The following MOB1B variants were observed in gnomAD, a reference collection of about 807,000 sequenced individuals.
The protein encoded by MOB1B is MOB1 Mps One Binder homolog B.
MOB1B carries 19 observed loss-of-function variants against 24.4 expected under a neutral mutation model. That is an observed-to-expected ratio of 0.78 (90% confidence interval 0.54 to 1.14). MOB1B has a LOEUF of 1.14. Ranked by LOEUF, MOB1B falls within the 50% of genes most tolerant of loss-of-function variation. The probability of loss-of-function intolerance (pLI) is 0.00; values close to 1 mark genes in which losing one functional copy is unlikely to be tolerated. For synonymous variants in MOB1B, 76 were observed against 82.1 expected (o/e 0.93, Z 0.40); for missense variants, 243 against 259.6 (o/e 0.94, Z 0.44).
intron 1 of MOB1B, among the ~76,000 whole-genome samples, chr4:70,930,140 CATATAGT>C (rs1483434727): frequency 6.6e-6 from 1 of 152,014 alleles, no homozygotes; most frequent in East Asian, 1.9e-4. Context: ...TCGAAATTAG[CATATAGT>C]ATAGTCTATA....
At chr4:70,906,487 C>T (rs757268539) in intron 1 of MOB1B, among the ~76,000 whole-genome samples, 2 of 152,078 alleles carry the variant, frequency 1.3e-5, no homozygotes, top group African/African-American at 2.4e-5. Context: ...GGTAAGTGTC[C>T]GTAAATACTG....
rs575704341 is a variant in MOB1B, at chr4:70,982,912, A to G, written c.*855A>G. The G allele has an allele frequency of 3.3e-5, 5 of 152,710 alleles. No homozygotes were observed. In the East Asian group the frequency reaches 9.6e-4, roughly 29 times the overall value. 9.5% of individuals were successfully genotyped at this position (152,710 alleles called of 1,614,324 possible). ...ATTGCCAAATGAGCCGTAAGTCTGC[A>G]GAATTCCCTTCTACTTTGAAGAGAA... On this transcript the variant is annotated 3_prime_UTR_variant, in exon 6 of 6. Transcript: ENST00000309395.
intron 2 of MOB1B, among the ~76,000 whole-genome samples, chr4:70,967,847 G>A (rs1185362679): frequency 1.3e-5 from 2 of 151,384 alleles, no homozygotes; most frequent in African/African-American, 2.4e-5. Flanking sequence ...TTATTTTTTT[G>A]AGGAGGTTTT....
Position 70,902,373 on chromosome 4 carries a change from G to A in MOB1B, c.-164G>A. 1.4e-6 allele frequency: 1 copy of A among 720,212 alleles called. No individual in the cohort carries two copies. Among genetic ancestry groups the A allele is most frequent in the South Asian group, 1.5e-5 (1 of 66,850 alleles). 44.6% of individuals were successfully genotyped at this position (720,212 alleles called of 1,614,324 possible). ...CTTCCGCCCCCTCCCCCTGCCATTG[G>A]AACTAGCTGAGCCGAACTAGTTGCG... On this transcript the variant is annotated 5_prime_UTR_variant, in exon 1 of 6. Transcript: ENST00000309395.
At chr4:70,914,270 T>C (rs745708621) in intron 1 of MOB1B, among the ~76,000 whole-genome samples, 4 of 152,244 alleles carry the variant, frequency 2.6e-5, no homozygotes, top group African/African-American at 4.8e-5. Context: ...TGAGGTACTT[T>C]GTTGTAACAG....
chr4:70,984,463 G>A lies in MOB1B; in HGVS notation c.*2406G>A, dbSNP rs937209541. The A allele has an allele frequency of 6.6e-6, 1 of 152,130 alleles. No homozygotes were observed. Among genetic ancestry groups the A allele is most frequent in the African/African-American group, 2.4e-5 (1 of 41,442 alleles). 9.4% of individuals were successfully genotyped at this position (152,130 alleles called of 1,614,324 possible). On this transcript the variant is annotated 3_prime_UTR_variant, in exon 6 of 6. Coordinates refer to ENST00000309395, the MANE Select transcript of MOB1B (RefSeq NM_173468.4). The stretch of plus-strand genomic sequence containing the variant: ...GATCAGTGCTTTGTTCTGCAGCAGA[G>A]TTTGCTGATAAATGTCTGTTGGATT...
At chr4:70,902,674 G>A (rs1173037226) in intron 1 of MOB1B, 124 bp downstream of exon 1, 7 of 934,920 alleles carry the variant, frequency 7.5e-6, no homozygotes, top group Non-Finnish European at 1.0e-5. Flanking sequence ...GGGGCCCGGC[G>A]TCACCACCAA....
At chr4:70,963,276 C>G (rs1338018084) in intron 2 of MOB1B, among the ~76,000 whole-genome samples, 2 of 152,042 alleles carry the variant, frequency 1.3e-5, no homozygotes, top group East Asian at 1.9e-4. Flanking sequence ...GGGAGGAATA[C>G]TTGAGCCCAG....
rs181327070 is a variant in MOB1B at position 70,929,983 on chromosome 4, G to C, written c.14+27433G>C. ...TTGCCCAGGGTGGTCTTGAAGTCCT[G>C]GGCTTGAGCAATTCACCCGTCTCAG... On this transcript the variant is annotated intron_variant, in intron 1 of 5. Coordinates refer to ENST00000309395, the MANE Select transcript of MOB1B (RefSeq NM_173468.4). 2.5e-3 allele frequency among the ~76,000 whole-genome samples: 373 copies of C among 152,118 alleles called. 2 individuals are homozygous for C. The highest frequency in any genetic ancestry group is 8.5e-3 in the African/African-American group (352 of 41,510).
Position 70,986,859 on chromosome 4 carries a change from A to C in MOB1B, c.*4802A>C. 6.6e-6 allele frequency: 1 copy of C among 152,204 alleles called. No individual in the cohort carries two copies. The highest frequency in any genetic ancestry group is 1.9e-4 in the East Asian group (1 of 5,204). The allele number at this position is 152,204 out of a possible 1,614,324, so 9.4% of individuals were successfully genotyped here. On this transcript the variant is annotated 3_prime_UTR_variant, in exon 6 of 6. Coordinates refer to ENST00000309395, the MANE Select transcript of MOB1B (RefSeq NM_173468.4). ...TTAAGGCTTTCCTAATAGGCTGATC[A>C]CAGAGAATAATCCATTTTGAAGGTA...
intron 1 of MOB1B, among the ~76,000 whole-genome samples, chr4:70,941,461 C>G (rs112295228): frequency 1.9e-4 from 29 of 152,280 alleles, no homozygotes; most frequent in African/African-American, 6.7e-4. Flanking sequence ...CCTGCCTCAG[C>G]CTCCCAAGTA....
At chr4:70,910,862 C>T (rs1735954183) in intron 1 of MOB1B, among the ~76,000 whole-genome samples, 1 of 151,816 alleles carries the variant, frequency 6.6e-6, no homozygotes, top group African/African-American at 2.4e-5. Context: ...GATCTCAGCT[C>T]ACTGCAACCT....
At chr4:70,924,549 G>C (rs1736574801) in intron 1 of MOB1B, among the ~76,000 whole-genome samples, 1 of 151,970 alleles carries the variant, frequency 6.6e-6, no homozygotes, top group Non-Finnish European at 1.5e-5. Flanking sequence ...TTGATACATA[G>C]GTATACATGT....
intron 1 of MOB1B, among the ~76,000 whole-genome samples, chr4:70,956,579 C>T (rs1157591490): frequency 6.6e-6 from 1 of 152,008 alleles, no homozygotes; most frequent in East Asian, 1.9e-4. Flanking sequence ...TACAAGCATG[C>T]ACCACCACAC....
intron 1 of MOB1B, among the ~76,000 whole-genome samples, chr4:70,948,507 T>A (rs1334433272): frequency 6.6e-6 from 1 of 152,200 alleles, no homozygotes; most frequent in Non-Finnish European, 1.5e-5. Flanking sequence ...AAGGAGAACT[T>A]CAGCTTCTCC....
chr4:70,958,445 T>C (rs1738160480), intron 1 of MOB1B, among the ~76,000 whole-genome samples: 1 of 152,076 alleles, frequency 6.6e-6, no homozygotes, highest in South Asian at 2.1e-4. Flanking sequence ...GGATTACAGG[T>C]GTGAGCCACT....
At chr4:70,932,159 G>T (rs1736912568) in intron 1 of MOB1B, among the ~76,000 whole-genome samples, 1 of 152,134 alleles carries the variant, frequency 6.6e-6, no homozygotes, top group South Asian at 2.1e-4. Flanking sequence ...TATTTAGCTG[G>T]TATTAATTAT....
At chr4:70,981,927 G>A in intron 5 of MOB1B, 53 bp from the exon 6 acceptor site, 1 of 1,139,216 alleles carries the variant, frequency 8.8e-7, no homozygotes, top group Non-Finnish European at 1.3e-6. Flanking sequence ...TTTGGAATAA[G>A]ATGCAAATAA....
chr4:70,926,274 T>G (rs966372482), intron 1 of MOB1B, among the ~76,000 whole-genome samples: 1 of 151,998 alleles, frequency 6.6e-6, no homozygotes, highest in Non-Finnish European at 1.5e-5. Flanking sequence ...ATTTTTTTTT[T>G]TTTTTTAATT....
Sources: allele counts gnomAD v4.1 joint callset (sites outside exome capture counted in the v4.1 genomes callset), GRCh38; gene constraint gnomAD v4.1.1; transcripts MANE v1.5; gene names NCBI Gene and HGNC (gene_info 2026-07-23, HGNC 2026-07-21).